Variants in GRM7 observed in about 807,000 individuals in gnomAD.
The protein encoded by GRM7 is glutamate metabotropic receptor 7, also known as metabotropic glutamate receptor 7.
GRM7 carries 35 observed loss-of-function variants against 84.5 expected under a neutral mutation model. The ratio of observed to expected loss-of-function variants is 0.41; its 90% CI spans 0.32 to 0.55. GRM7 has a LOEUF of 0.55. Ranked by LOEUF, GRM7 falls within the 20% of genes least tolerant of loss-of-function variation. The probability of loss-of-function intolerance (pLI) is 0.19; values close to 1 mark genes in which losing one functional copy is unlikely to be tolerated. For synonymous variants in GRM7, 487 were observed against 455.1 expected (o/e 1.07, Z -0.89); for missense variants, 1,003 against 1,194.6 (o/e 0.84, Z 2.36).
intron 5 of GRM7, among the ~76,000 whole-genome samples, chr3:7,447,866 A>G (rs1697587688): frequency 6.6e-6 from 1 of 150,804 alleles, no homozygotes; most frequent in African/African-American, 2.4e-5. Flanking sequence ...ATCATTTAGC[A>G]TTACATATAT....
chr3:7,312,942 T>C (rs1017082421), intron 4 of GRM7, among the ~76,000 whole-genome samples: 2,259 of 148,788 alleles, frequency 0.015, 65 homozygotes, highest in African/African-American at 0.051. Flanking sequence ...TTTTCTTTTT[T>C]TTTTTTTTTT....
At chr3:7,032,062 G>A (rs1309893831) in intron 1 of GRM7, among the ~76,000 whole-genome samples, 5 of 152,182 alleles carry the variant, frequency 3.3e-5, no homozygotes, top group Middle Eastern at 3.2e-3. Flanking sequence ...CATTTGAAGT[G>A]CCTAATATCC....
intron 7 of GRM7, among the ~76,000 whole-genome samples, chr3:7,536,093 C>G (rs1455437537): frequency 6.6e-6 from 1 of 152,136 alleles, no homozygotes; most frequent in Non-Finnish European, 1.5e-5. Flanking sequence ...TTAACCCACT[C>G]CTAGTACCAA....
At chr3:7,375,730 C>G (rs1379740554) in intron 4 of GRM7, among the ~76,000 whole-genome samples, 1 of 152,158 alleles carries the variant, frequency 6.6e-6, no homozygotes, top group Non-Finnish European at 1.5e-5. Flanking sequence ...CAAAACTACA[C>G]CCTTGCCCCT....
chr3:7,180,461 G>C (rs1447647664), intron 2 of GRM7, among the ~76,000 whole-genome samples: 1 of 152,216 alleles, frequency 6.6e-6, no homozygotes, highest in East Asian at 1.9e-4. Context: ...GTACAGACTA[G>C]GGTGGTGCTC....
At chr3:7,262,164 G>A (rs1465224785) in intron 2 of GRM7, among the ~76,000 whole-genome samples, 1 of 149,264 alleles carries the variant, frequency 6.7e-6, no homozygotes, top group East Asian at 2.0e-4. Context: ...TCATCTTCTT[G>A]TGAAATAATG....
At chr3:7,104,214 CA>C (rs1335799386) in intron 1 of GRM7, among the ~76,000 whole-genome samples, 5 of 150,320 alleles carry the variant, frequency 3.3e-5, no homozygotes, top group African/African-American at 1.2e-4. Context: ...GAGGACACAC[CA>C]AAAAGTGCCT....
intron 7 of GRM7, among the ~76,000 whole-genome samples, chr3:7,466,892 A>G (rs1303229511): frequency 1.3e-5 from 2 of 152,220 alleles, no homozygotes; most frequent in Non-Finnish European, 2.9e-5. Flanking sequence ...CCTATAGACT[A>G]AAAACTCCTT....
chr3:7,701,136 A>T (rs1425466044), intron 9 of GRM7, among the ~76,000 whole-genome samples: 1 of 152,092 alleles, frequency 6.6e-6, no homozygotes, highest in African/African-American at 2.4e-5. Context: ...CATGCTTGGG[A>T]TTGGGCATGA....
chr3:7,427,698 C>T (rs1696666745), intron 5 of GRM7, among the ~76,000 whole-genome samples: 2 of 152,148 alleles, frequency 1.3e-5, no homozygotes, highest in Non-Finnish European at 2.9e-5. Flanking sequence ...TTTTATCCAC[C>T]AGTTTTAGTT....
chr3:7,310,984 A>G (rs1267127493), intron 4 of GRM7, among the ~76,000 whole-genome samples: 2 of 152,030 alleles, frequency 1.3e-5, no homozygotes, highest in African/African-American at 4.8e-5. Context: ...TCCACATCTC[A>G]TCCCCTCAGG....
At chr3:7,660,770 A>G (rs553534533) in intron 8 of GRM7, among the ~76,000 whole-genome samples, 1 of 145,610 alleles carries the variant, frequency 6.9e-6, no homozygotes, top group East Asian at 1.9e-4. Context: ...ACAACAGAGT[A>G]TAAGAAAAAC....
intron 2 of GRM7, among the ~76,000 whole-genome samples, chr3:7,228,070 T>G (rs893691095): frequency 1.5e-4 from 23 of 152,312 alleles, no homozygotes; most frequent in Non-Finnish European, 2.8e-4. Flanking sequence ...ATATTATCAA[T>G]GTATGTCTTA....
chr3:7,312,483 G>T (rs1405855738), intron 4 of GRM7, among the ~76,000 whole-genome samples: 1 of 152,114 alleles, frequency 6.6e-6, no homozygotes, highest in African/African-American at 2.4e-5. Flanking sequence ...GCTTGGTAGG[G>T]TCGAGTGATA....
intron 1 of GRM7, among the ~76,000 whole-genome samples, chr3:7,103,749 C>CCTTTCTTTCTTTCTTT (rs55840104): frequency 7.2e-5 from 7 of 96,662 alleles, no homozygotes; most frequent in Non-Finnish European, 1.2e-4. Context: ...TCTCTCTCTC[C>CCTTTCTTTCTTTCTTT]CTTTCTTTCT....
chr3:7,154,931 T>C (rs1261965426), intron 2 of GRM7, among the ~76,000 whole-genome samples: 4 of 152,140 alleles, frequency 2.6e-5, no homozygotes, highest in African/African-American at 4.8e-5. Flanking sequence ...TTTTGATAGA[T>C]GTCAGCAAGA....
rs1304272448 is a variant in GRM7, at chr3:6,862,052, C to G, written c.519+145C>G. On this transcript the variant is annotated intron_variant, in intron 1 of 9. Transcript: ENST00000357716. This position sits in a 1 kb window ranked among gnomAD's most constrained non-coding sequence, Gnocchi z 5.2. ...AGATCCTGCCGAATCCCTCCCACCC[C>G]GCTCGAGGAGATACCTTCCCTGCTT... 3 of 654,104 alleles carry G rather than the reference C, an allele frequency of 4.6e-6. No individual in the cohort carries two copies. Among genetic ancestry groups the G allele is most frequent in the African/African-American group, 1.8e-5 (1 of 54,784 alleles). 40.5% of individuals were successfully genotyped at this position (654,104 alleles called of 1,614,324 possible).
Position 7,623,961 on chromosome 3 carries a change from G to T in GRM7, c.2451+44604G>T, listed in dbSNP as rs1014229776. Among the ~76,000 whole-genome samples the T allele has an allele frequency of 2.6e-5, 4 of 152,110 alleles. No individual in the cohort carries two copies. In the South Asian group the frequency reaches 6.2e-4, roughly 24 times the overall value. On this transcript the variant is annotated intron_variant, in intron 8 of 9. Coordinates refer to ENST00000357716, the MANE Select transcript of GRM7 (RefSeq NM_000844.4). ...TCAAGAACCTGGCTAGCATTCCGGAGAGTAGAGCCTGTTGACTTTTCAAAG... is the reference window on the plus strand; with the variant it reads ...TCAAGAACCTGGCTAGCATTCCGGATAGTAGAGCCTGTTGACTTTTCAAAG...
intron 4 of GRM7, among the ~76,000 whole-genome samples, chr3:7,411,994 C>T (rs77038299): frequency 1.5e-3 from 231 of 151,510 alleles, no homozygotes; most frequent in African/African-American, 5.4e-3. Context: ...TTCCCAACAT[C>T]ACCTCTTTTC....
Sources: gnomAD v4.1 joint callset for allele counts (sites outside exome capture counted in the v4.1 genomes callset) on GRCh38, gnomAD v4.1.1 for gene constraint, Gnocchi (gnomAD v3.1) non-coding constraint, MANE v1.5 for transcripts, NCBI Gene and HGNC (gene_info 2026-07-23, HGNC 2026-07-21) for gene names.